LRRC4C: variants seen among roughly 807,000 people sequenced by gnomAD.
LRRC4C encodes the protein leucine-rich repeat-containing protein 4C.
Under a neutral mutation model 33.6 loss-of-function variants are expected in LRRC4C, and 5 were observed. That is an observed-to-expected ratio of 0.15 (90% CI 0.08 to 0.31). LRRC4C has a LOEUF of 0.31. LRRC4C is among the 10% of genes least tolerant of loss of function. The probability of loss-of-function intolerance (pLI) is 1.00; values close to 1 mark genes in which losing one functional copy is unlikely to be tolerated. For synonymous variants in LRRC4C, 329 were observed against 302.0 expected, an observed-to-expected ratio of 1.09 and a Z score of -0.93; for missense variants, 560 against 796.7, an observed-to-expected ratio of 0.70 and a Z score of 3.58.
intron 3 of LRRC4C, among the ~76,000 whole-genome samples, chr11:40,402,793 C>T (rs1590625048): frequency 6.6e-6 from 1 of 152,096 alleles, no homozygotes; most frequent in African/African-American, 2.4e-5. Flanking sequence ...TTTTCATCCT[C>T]ATGAAATCCT....
intron 2 of LRRC4C, among the ~76,000 whole-genome samples, chr11:40,775,330 A>C: frequency 6.6e-6 from 1 of 152,184 alleles, no homozygotes; most frequent in East Asian, 1.9e-4. Flanking sequence ...GAATGGCGTG[A>C]ACCCGGGAGG....
At chr11:40,801,506 G>A (rs73468719) in intron 2 of LRRC4C, among the ~76,000 whole-genome samples, 24,393 of 151,986 alleles carry the variant, frequency 0.16, 2,372 homozygotes, top group African/African-American at 0.27. Flanking sequence ...CCCCCATGTG[G>A]GCATGGACTG....
chr11:40,251,842 A>G (rs755766765), intron 4 of LRRC4C, among the ~76,000 whole-genome samples: 13 of 152,218 alleles, frequency 8.5e-5, no homozygotes, highest in Non-Finnish European at 1.8e-4. Flanking sequence ...GTTGTGACAC[A>G]GCAAAGAACA....
At chr11:40,360,557 C>A (rs1479286080) in intron 3 of LRRC4C, among the ~76,000 whole-genome samples, 1 of 152,112 alleles carries the variant, frequency 6.6e-6, no homozygotes, top group Non-Finnish European at 1.5e-5. Flanking sequence ...ATAGTGAGGT[C>A]TAATGAACTC....
At chr11:40,603,841 A>G (rs1174691932) in intron 3 of LRRC4C, among the ~76,000 whole-genome samples, 1 of 152,200 alleles carries the variant, frequency 6.6e-6, no homozygotes, top group Non-Finnish European at 1.5e-5. Context: ...CTGTTATAAG[A>G]AGACATAAAA....
chr11:40,435,895 C>T lies in LRRC4C; in HGVS notation c.-269-116174G>A, dbSNP rs530324157. On this transcript the variant is annotated intron_variant, in intron 3 of 6. Transcript: ENST00000528697. Reference sequence around the variant, plus strand: ...TTTGGCTTCACCTTGCTTGTTTATTCTTATCTTTCTGTGCTCCTCTGAGCT... The same window carrying T: ...TTTGGCTTCACCTTGCTTGTTTATTTTTATCTTTCTGTGCTCCTCTGAGCT... 1.2e-4 allele frequency among the ~76,000 whole-genome samples: 18 copies of T among 152,200 alleles called. No homozygotes were observed. The South Asian group carries it at 3.5e-3, about 30-fold the overall frequency.
At position 40,511,249 on chromosome 11, in the gene LRRC4C, C is replaced by A. The variant is rs549561225; in HGVS notation, c.-270+136893G>T. On this transcript the variant is annotated intron_variant, in intron 3 of 6. Transcript: ENST00000528697. ...GAGCTCATACTGAAAGTGACAGAAA[C>A]AGTACAAAATGAAAAGAGGCGTATG... is the stretch of plus-strand genomic sequence containing the variant. 3.2e-4 allele frequency among the ~76,000 whole-genome samples: 49 copies of A among 152,158 alleles called. No individual in the cohort carries two copies. The South Asian group carries it at 4.4e-3, about 14-fold the overall frequency.
In LRRC4C at chr11:40,830,564, C is replaced by T. The variant is rs11036093; in HGVS notation, c.-407+103071G>A. On this transcript the variant is annotated intron_variant, in intron 2 of 6. Transcript: ENST00000528697. ...AGTTAAACAGTTAATAAGTTCTTTA[C>T]GAAAAATAAAAGAAACCCCAAATCA... Among the ~76,000 whole-genome samples, 857 of 151,908 alleles carry T rather than the reference C, an allele frequency of 5.6e-3. 12 individuals carry two copies. Among genetic ancestry groups the T allele is most frequent in the East Asian group, 0.056 (286 of 5,148 alleles).
At chr11:40,896,962 T>C (rs188244268) in intron 2 of LRRC4C, among the ~76,000 whole-genome samples, 6 of 152,240 alleles carry the variant, frequency 3.9e-5, no homozygotes, top group Admixed American at 2.6e-4. Context: ...TCTAAAGTAC[T>C]AGGAGAGTTT....
intron 2 of LRRC4C, among the ~76,000 whole-genome samples, chr11:40,810,421 T>C (rs1413569629): frequency 1.3e-5 from 2 of 152,184 alleles, no homozygotes; most frequent in Non-Finnish European, 2.9e-5. Flanking sequence ...CTAAACTTTC[T>C]TCCAAGATGA....
chr11:41,066,945 C>T (rs1185683371), intron 1 of LRRC4C, among the ~76,000 whole-genome samples: 1 of 152,152 alleles, frequency 6.6e-6, no homozygotes, highest in African/African-American at 2.4e-5. Context: ...AAAACTGATA[C>T]CAGCCACTGC....
chr11:40,894,342 A>G (rs1955846717), intron 2 of LRRC4C, among the ~76,000 whole-genome samples: 1 of 152,060 alleles, frequency 6.6e-6, no homozygotes, highest in Admixed American at 6.6e-5. Flanking sequence ...CAAAGGAAAG[A>G]CTTCCATTTT....
chr11:41,020,172 A>T (rs1855864965), intron 1 of LRRC4C, among the ~76,000 whole-genome samples: 1 of 152,110 alleles, frequency 6.6e-6, no homozygotes, highest in South Asian at 2.1e-4. Flanking sequence ...TTGTTTTGTG[A>T]ATGGAATTAT....
intron 1 of LRRC4C, among the ~76,000 whole-genome samples, chr11:41,349,665 A>G (rs1176024616): frequency 6.6e-6 from 1 of 152,078 alleles, no homozygotes; most frequent in African/African-American, 2.4e-5. Flanking sequence ...AAAAGCCCCA[A>G]CTAAAGGACA....
intron 2 of LRRC4C, among the ~76,000 whole-genome samples, chr11:40,807,606 G>A (rs1951310503): frequency 6.6e-6 from 1 of 152,202 alleles, no homozygotes; most frequent in African/African-American, 2.4e-5. Context: ...CTGTTCAGAG[G>A]AGCAAATGGA....
chr11:40,632,320 T>C (rs1440067886), intron 3 of LRRC4C, among the ~76,000 whole-genome samples: 1 of 152,122 alleles, frequency 6.6e-6, no homozygotes. Context: ...CTCAAAAAGC[T>C]CACACGCAGA....
At chr11:40,395,829 A>G (rs1565347163) in intron 3 of LRRC4C, among the ~76,000 whole-genome samples, 1 of 152,106 alleles carries the variant, frequency 6.6e-6, no homozygotes, top group Non-Finnish European at 1.5e-5. Flanking sequence ...TGTACTAAAA[A>G]TACAAAAATT....
chr11:41,057,453 T>C (rs1486346840), intron 1 of LRRC4C, among the ~76,000 whole-genome samples: 1 of 152,054 alleles, frequency 6.6e-6, no homozygotes, highest in Non-Finnish European at 1.5e-5. Flanking sequence ...GGTTCCTGGG[T>C]GGAAGGGGGC....
intron 2 of LRRC4C, among the ~76,000 whole-genome samples, chr11:40,877,560 C>T (rs1331136809): frequency 2.6e-5 from 4 of 152,156 alleles, no homozygotes; most frequent in South Asian, 4.1e-4. Context: ...AAAAGGGAAA[C>T]ACATGCCACC....
Sources: gnomAD v4.1 joint callset for allele counts (sites outside exome capture counted in the v4.1 genomes callset) on GRCh38, gnomAD v4.1.1 for gene constraint, MANE v1.5 for transcripts, NCBI Gene and HGNC (gene_info 2026-07-23, HGNC 2026-07-21) for gene names.